The following SYTL2 variants were observed in gnomAD, a reference collection of about 807,000 sequenced individuals.
SYTL2 encodes synaptotagmin like 2.
SYTL2 carries 165 observed loss-of-function variants against 198.7 expected under a neutral mutation model. The observed-to-expected ratio is 0.83, with a 90% CI of 0.73 to 0.94. SYTL2 has a LOEUF of 0.94. Ranked by LOEUF, SYTL2 falls within the 40% of genes least tolerant of loss-of-function variation. The pLI is 0.00. For missense variants in SYTL2, 2,835 were observed against 2,582.8 expected (o/e 1.10, Z -2.12); for synonymous variants, 966 against 917.7 (o/e 1.05, Z -0.95).
chr11:85,817,474 TAAATG>T, the SYTL2 span, among the ~76,000 whole-genome samples: 45 of 152,382 alleles, frequency 3.0e-4, no homozygotes, highest in African/African-American at 1.1e-3. Context: ...TTGAATATAT[TAAATG>T]AAATATGTTA....
At chr11:85,798,982 C>T (rs1184364590) in intron 1 of SYTL2, among the ~76,000 whole-genome samples, 2 of 152,200 alleles carry the variant, frequency 1.3e-5, no homozygotes, top group Non-Finnish European at 2.9e-5. Flanking sequence ...CAGCCAAAGG[C>T]CAACTTGCAA....
intron 8 of SYTL2, 149 bp from the exon 9 acceptor site, chr11:85,721,108 A>C: frequency 1.7e-6 from 1 of 581,460 alleles, no homozygotes; most frequent in Non-Finnish European, 3.0e-6. Context: ...AAGAAAATAA[A>C]ATTTCTCCAC....
intron 7 of SYTL2, among the ~76,000 whole-genome samples, chr11:85,729,235 T>C (rs549939299): frequency 3.9e-5 from 6 of 152,294 alleles, no homozygotes; most frequent in South Asian, 2.1e-4. Flanking sequence ...CTGGACCAAG[T>C]GGACCTAAAA....
chr11:85,720,449 T>C (rs2088120296), intron 9 of SYTL2, among the ~76,000 whole-genome samples: 1 of 152,218 alleles, frequency 6.6e-6, no homozygotes, highest in African/African-American at 2.4e-5. Flanking sequence ...ATAATTCACC[T>C]CTCATAGGGT....
At position 85,727,306 on chromosome 11, in the gene SYTL2, T is replaced by A. The variant is rs1183985297; in HGVS notation, c.2052A>T (p.Pro684=). The change falls in exon 8 of 20, where the codon CCA becomes CCT. Residue 684 remains proline (P), a synonymous_variant. Coordinates refer to ENST00000359152, the MANE Select transcript of SYTL2 (RefSeq NM_206927.4). The stretch of plus-strand genomic sequence containing the variant: ...AGTTGCCAATATTATTAGTGTTGCA[T>A]GGAACTTGGTTTTCTGCATCAGATT... ...LKESDAENQV[P]CNTNNIGNLG... The A allele has an allele frequency of 1.3e-6, 2 of 1,535,744 alleles. No individual in the cohort carries two copies. The highest frequency in any genetic ancestry group is 2.0e-5 in the Admixed American group (1 of 50,904).
chr11:85,698,563 G>A (rs1186646096), intron 17 of SYTL2, among the ~76,000 whole-genome samples: 1 of 151,476 alleles, frequency 6.6e-6, no homozygotes, highest in Non-Finnish European at 1.5e-5. Context: ...TTTGAGACAG[G>A]GTCTCACTCT....
chr11:85,778,752 G>A (rs886914969), intron 1 of SYTL2, among the ~76,000 whole-genome samples: 35 of 152,192 alleles, frequency 2.3e-4, no homozygotes, highest in African/African-American at 7.0e-4. Flanking sequence ...TGAGTCAGGC[G>A]GATCACTTAA....
chr11:85,736,807 A>G (rs1266719467), intron 5 of SYTL2, among the ~76,000 whole-genome samples, 192 bp from the exon 6 acceptor site: 1 of 152,206 alleles, frequency 6.6e-6, no homozygotes, highest in East Asian at 1.9e-4. Context: ...AAAATTATAT[A>G]AAATATATGC....
At chr11:85,757,153 C>G (rs1285714468) in intron 2 of SYTL2, among the ~76,000 whole-genome samples, 1 of 152,180 alleles carries the variant, frequency 6.6e-6, no homozygotes, top group Non-Finnish European at 1.5e-5. Flanking sequence ...AGAATACTTT[C>G]AGTTGCCATT....
In SYTL2 at chr11:85,724,937, C is replaced by G; in HGVS notation, c.4421G>C (p.Gly1474Ala). The G allele has an allele frequency of 6.2e-7, 1 of 1,613,962 alleles. No homozygotes were observed. The highest frequency in any genetic ancestry group is 8.5e-7 in the Non-Finnish European group (1 of 1,179,944). The stretch of plus-strand genomic sequence containing the variant: ...AATTTCTTCCACTTCCTGAGGGAGG[C>G]CTTTGCCATATTGAGCAACAATGGA... ...FASIVAQYGKGLPQEVEEIVR... is the reference protein window; with the variant it reads ...FASIVAQYGKALPQEVEEIVR... The change falls in exon 8 of 20, where the codon GGC (glycine) becomes GCC (alanine). Residue 1474 changes from glycine to alanine, a missense_variant. Gly to Ala is a moderately conservative substitution (Grantham distance 60, BLOSUM62 0). This residue lies in a region of SYTL2 where 2,645 missense variants were observed against 2,381.7 expected (regional missense o/e 1.11). Coordinates refer to ENST00000359152, the MANE Select transcript of SYTL2 (RefSeq NM_206927.4).
chr11:85,717,835 T>C lies in SYTL2; in HGVS notation c.5483-305A>G, dbSNP rs1382070753. 4 of 423,110 alleles carry C rather than the reference T, an allele frequency of 9.5e-6. No homozygotes were observed. The East Asian group carries it at 2.5e-4, about 26-fold the overall frequency. 26.2% of individuals were successfully genotyped at this position (423,110 alleles called of 1,614,324 possible). A position where few individuals can be genotyped will look rare whatever the true frequency, so the allele number is the denominator to read the frequency against. ...TAGGAGTAATGAAGCTGAGATTCTA[T>C]TTCCTGCCCTCCCAGTGACTGACTA... On this transcript the variant is annotated intron_variant, in intron 10 of 19. Transcript: ENST00000359152.
chr11:85,808,867 G>C (rs1404208932), intron 1 of SYTL2, among the ~76,000 whole-genome samples: 2 of 135,052 alleles, frequency 1.5e-5, no homozygotes, highest in African/African-American at 5.8e-5. Context: ...TTAATACCAA[G>C]TAAGTTTTCC....
At chr11:85,715,864 G>C (rs1219543302) in intron 11 of SYTL2, among the ~76,000 whole-genome samples, 1 of 152,164 alleles carries the variant, frequency 6.6e-6, no homozygotes, top group Admixed American at 6.5e-5. Context: ...TATTTTCAAA[G>C]TATATTGTTG....
intron 18 of SYTL2, among the ~76,000 whole-genome samples, chr11:85,697,525 C>T (rs2083574528): frequency 6.6e-6 from 1 of 152,176 alleles, no homozygotes; most frequent in African/African-American, 2.4e-5. Flanking sequence ...GTCTCAAGCT[C>T]TTAGTAAGGG....
At chr11:85,723,972 C>T (rs2088734388) in intron 8 of SYTL2, 60 bp downstream of exon 8, 2 of 988,342 alleles carry the variant, frequency 2.0e-6, no homozygotes, top group South Asian at 3.3e-5. Flanking sequence ...AAAAATCATC[C>T]TTTACATCAG....
chr11:85,833,456 T>C, the SYTL2 span, among the ~76,000 whole-genome samples: 4 of 149,506 alleles, frequency 2.7e-5, no homozygotes, highest in Non-Finnish European at 5.9e-5. Flanking sequence ...ATGATATGTA[T>C]ATATGTTTTT....
In SYTL2 at chr11:85,724,530, G is replaced by C. The variant is rs758708860; in HGVS notation, c.4828C>G (p.His1610Asp). ...GTCTGTGAGGCTGCCCTGTAAAAAT[G>C]GGGCACTGTCCCCAAGAACCTGGTC... Reference protein sequence around the residue: ...EQTRFLGTVPHFYRAASQTSE... With the variant: ...EQTRFLGTVPDFYRAASQTSE... The change falls in exon 8 of 20, where the codon CAT becomes GAT. Residue 1610 changes from histidine to aspartate, a missense_variant. Coordinates refer to ENST00000359152, the MANE Select transcript of SYTL2 (RefSeq NM_206927.4). The C allele has an allele frequency of 6.2e-7, 1 of 1,613,892 alleles. No individual in the cohort carries two copies. Among genetic ancestry groups the C allele is most frequent in the Non-Finnish European group, 8.5e-7 (1 of 1,180,004 alleles).
the SYTL2 span, among the ~76,000 whole-genome samples, chr11:85,852,228 G>A: frequency 7.9e-5 from 12 of 152,142 alleles, no homozygotes; most frequent in African/African-American, 2.7e-4. Context: ...GGTGACTTAC[G>A]AAGGGAGCAG....
chr11:85,804,450 T>C (rs951732047), intron 1 of SYTL2, among the ~76,000 whole-genome samples: 1 of 152,204 alleles, frequency 6.6e-6, no homozygotes. Flanking sequence ...TCTCTGTTGT[T>C]GTTCTTATTG....
Sources: gnomAD v4.1 joint callset for allele counts (sites outside exome capture counted in the v4.1 genomes callset) on GRCh38, gnomAD v4.1.1 for gene constraint, gnomAD v4.1.1 regional missense constraint, MANE v1.5 for transcripts, NCBI Gene and HGNC (gene_info 2026-07-23, HGNC 2026-07-21) for gene names.